Variants in DMD observed in about 807,000 individuals in gnomAD.
DMD encodes mutant dystrophin.
A neutral mutation model predicts 330.1 loss-of-function variants in DMD; 63 were observed. The observed-to-expected ratio is 0.19, with a 90% CI of 0.16 to 0.24. The LOEUF (loss-of-function observed/expected upper bound fraction) is 0.24, where lower values mean the gene tolerates loss of function less well. Among genes scored for constraint, DMD ranks in the 10% least tolerant of loss-of-function variants. The pLI, the probability that DMD is intolerant of heterozygous loss-of-function variation, is 1.00. For synonymous variants in DMD, 1,223 were observed against 959.8 expected, an observed-to-expected ratio of 1.27 and a Z score of -5.07; for missense variants, 3,344 against 2,684.1, an observed-to-expected ratio of 1.25 and a Z score of -5.43.
At chrX:31,645,900 T>C (rs2080066667) in intron 54 of DMD, among the ~76,000 whole-genome samples, 1 of 111,962 alleles carries the variant, frequency 8.9e-6, no homozygotes, top group Admixed American at 9.5e-5. Flanking sequence ...TATTACCTAA[T>C]CATTTTTTCA....
At position 32,386,298 on chromosome X, in the gene DMD, G is replaced by A. The variant is rs757750770; in HGVS notation, c.4674+12C>T. On this transcript the variant is annotated intron_variant, in intron 33 of 78. Coordinates refer to ENST00000357033, the MANE Select transcript of DMD (RefSeq NM_004006.3). ...GTGGAAAGAAGTGTTTGTGGTCTCAGCATGCACACACCTTTGCTCCCAGCT... is the reference window on the plus strand; with the variant it reads ...GTGGAAAGAAGTGTTTGTGGTCTCAACATGCACACACCTTTGCTCCCAGCT... 2 of 1,205,496 alleles carry A rather than the reference G, an allele frequency of 1.7e-6. No homozygotes were observed. The highest frequency in any genetic ancestry group is 3.5e-5 in the African/African-American group (2 of 56,811).
Position 31,313,309 on chromosome X carries a change from C to T in DMD, c.9224+10289G>A, listed in dbSNP as rs183332335. Among the ~76,000 whole-genome samples, 3 of 110,720 alleles carry T rather than the reference C, an allele frequency of 2.7e-5. No homozygotes were observed. In the East Asian group the frequency reaches 8.5e-4, roughly 31 times the overall value. ...AAGCAGCAAAGAGTAACTTAGGTCT[C>T]TGCAACTTGATTGCGAAGATACGCC... On this transcript the variant is annotated intron_variant, in intron 62 of 78. Coordinates refer to ENST00000357033, the MANE Select transcript of DMD (RefSeq NM_004006.3).
At chrX:32,341,310 C>T (rs1033893543) in intron 41 of DMD, among the ~76,000 whole-genome samples, 1 of 111,705 alleles carries the variant, frequency 9.0e-6, no homozygotes, top group Non-Finnish European at 1.9e-5. Context: ...TCCTCTTCAT[C>T]TTACAAGTGT....
intron 49 of DMD, among the ~76,000 whole-genome samples, chrX:31,822,654 GTGTGTGTGT>G (rs1181687426): frequency 4.5e-4 from 4 of 8,851 alleles, no homozygotes; most frequent in African/African-American, 1.5e-3. Flanking sequence ...AGGCAGAGGG[GTGTGTGTGT>G]GTGTGTGTGT....
intron 62 of DMD, among the ~76,000 whole-genome samples, chrX:31,289,592 A>G (rs914080792): frequency 1.8e-5 from 2 of 111,086 alleles, no homozygotes; most frequent in Non-Finnish European, 3.8e-5. Context: ...GTAAGCAGAC[A>G]GACTTCCAGA....
intron 60 of DMD, among the ~76,000 whole-genome samples, chrX:31,368,585 T>C (rs2059381523): frequency 8.9e-6 from 1 of 111,938 alleles, no homozygotes; most frequent in African/African-American, 3.2e-5. Context: ...CATCTTTCTT[T>C]GTCGCTTCAT....
intron 2 of DMD, among the ~76,000 whole-genome samples, chrX:32,903,395 G>A (rs1231625662): frequency 9.1e-6 from 1 of 110,156 alleles, no homozygotes. Context: ...GCGAGGTAGA[G>A]GAAGGCAAAA....
At chrX:31,768,196 A>G (rs2090121551) in intron 51 of DMD, among the ~76,000 whole-genome samples, 1 of 111,433 alleles carries the variant, frequency 9.0e-6, no homozygotes, top group Non-Finnish European at 1.9e-5. Flanking sequence ...TTAACTCAGC[A>G]CAGGCAATCA....
At chrX:32,901,018 G>A (rs1313240477) in intron 2 of DMD, among the ~76,000 whole-genome samples, 1 of 110,919 alleles carries the variant, frequency 9.0e-6, no homozygotes, top group African/African-American at 3.3e-5. Flanking sequence ...TCCAAAAGAT[G>A]AAAATATGTT....
intron 62 of DMD, among the ~76,000 whole-genome samples, chrX:31,318,878 C>T (rs192393582): frequency 8.9e-6 from 1 of 112,097 alleles, no homozygotes; most frequent in Non-Finnish European, 1.9e-5. Flanking sequence ...ATTTAGCAAC[C>T]ACAGCGTCTT....
chrX:32,873,578 A>C lies in DMD; in HGVS notation c.94-23758T>G, dbSNP rs1271772405. Among the ~76,000 whole-genome samples the C allele has an allele frequency of 2.7e-5, 3 of 111,847 alleles. No individual in the cohort carries two copies. In the East Asian group the frequency reaches 8.4e-4, roughly 31 times the overall value. ...TTCTGAGCATTCATTTCTTATATGA[A>C]AATGAAGTAGGTTACAGTGGTTATT... On this transcript the variant is annotated intron_variant, in intron 2 of 78. Transcript: ENST00000357033.
At chrX:32,744,915 T>A (rs2069783795) in intron 7 of DMD, among the ~76,000 whole-genome samples, 1 of 111,908 alleles carries the variant, frequency 8.9e-6, no homozygotes, top group East Asian at 2.8e-4. Context: ...GTGGGAGAGT[T>A]CTTAAAGGAC....
chrX:32,173,182 C>T (rs2096894340), intron 44 of DMD, among the ~76,000 whole-genome samples: 1 of 105,658 alleles, frequency 9.5e-6, no homozygotes, highest in South Asian at 4.4e-4. Flanking sequence ...GACCTGTTGA[C>T]GTGACAAAGA....
At chrX:31,766,215 G>A (rs5927846) in intron 51 of DMD, among the ~76,000 whole-genome samples, 14,991 of 111,242 alleles carry the variant, frequency 0.13, 880 homozygotes, top group East Asian at 0.25. Flanking sequence ...ATATAAAGGA[G>A]CCCTAACTAG....
chrX:32,628,041 C>T (rs182700202), intron 11 of DMD, among the ~76,000 whole-genome samples: 1 of 109,514 alleles, frequency 9.1e-6, no homozygotes, highest in Admixed American at 9.8e-5. Flanking sequence ...CTTTATGTGA[C>T]AAACATTCCA....
chrX:33,271,184 G>A (rs7062901), intron 1 of DMD, among the ~76,000 whole-genome samples: 4,504 of 110,713 alleles, frequency 0.041, 136 homozygotes, highest in African/African-American at 0.1. Flanking sequence ...TAGTGTCCAA[G>A]TGATTATTTT....
At chrX:31,146,548 T>A in intron 75 of DMD, 134 bp from the exon 76 acceptor site, 3 of 610,441 alleles carry the variant, frequency 4.9e-6, no homozygotes, top group Non-Finnish European at 7.9e-6. Context: ...AAAGATTGTT[T>A]AATTTGGGAT....
Position 31,435,037 on chromosome X carries a change from C to T in DMD, c.9084+9444G>A, listed in dbSNP as rs189770782. On this transcript the variant is annotated intron_variant, in intron 60 of 78. Transcript: ENST00000357033. The stretch of plus-strand genomic sequence containing the variant: ...TAGGAGTTCTGACAGATTCCCCAGG[C>T]AGACTGTCTGGGTTCAAATCCTGGC... 1.4e-4 allele frequency among the ~76,000 whole-genome samples: 16 copies of T among 111,670 alleles called. No individual in the cohort carries two copies. The East Asian group carries it at 4.5e-3, about 31-fold the overall frequency.
chrX:31,155,286 A>G (rs1410896174), intron 74 of DMD, among the ~76,000 whole-genome samples: 1 of 112,940 alleles, frequency 8.9e-6, no homozygotes, highest in Non-Finnish European at 1.9e-5. Context: ...TACTCTTTAA[A>G]TGGAGCTTCC....
Sources: gnomAD v4.1 joint callset for allele counts (sites outside exome capture counted in the v4.1 genomes callset) on GRCh38, gnomAD v4.1.1 for gene constraint, MANE v1.5 for transcripts, NCBI Gene and HGNC (gene_info 2026-07-23, HGNC 2026-07-21) for gene names.